Variants in LRRK2 observed in about 807,000 individuals in gnomAD.
LRRK2 encodes the protein leucine-rich repeat serine/threonine-protein kinase 2.
LRRK2 carries 203 observed loss-of-function variants against 302.6 expected under a neutral mutation model. That is an observed-to-expected ratio of 0.67 (90% CI 0.60 to 0.75). LRRK2 has a LOEUF of 0.75. Ranked by LOEUF, LRRK2 falls within the 30% of genes least tolerant of loss-of-function variation. LRRK2 has a pLI of 0.00. For missense variants in LRRK2, 2,830 were observed against 2,951.0 expected, an observed-to-expected ratio of 0.96 and a Z score of 0.95; for synonymous variants, 1,066 against 1,031.9, an observed-to-expected ratio of 1.03 and a Z score of -0.63.
intron 39 of LRRK2, among the ~76,000 whole-genome samples, chr12:40,333,235 A>T (rs1945768494): frequency 6.6e-6 from 1 of 152,060 alleles, no homozygotes; most frequent in Non-Finnish European, 1.5e-5. Context: ...AGCAAATATG[A>T]TCACAGTCTG....
Position 40,251,305 on chromosome 12 carries a change from A to G in LRRK2, c.1032A>G (p.Glu344=). The G allele has an allele frequency of 6.2e-7, 1 of 1,613,518 alleles. No homozygotes were observed. Among genetic ancestry groups the G allele is most frequent in the African/African-American group, 1.3e-5 (1 of 75,026 alleles). ...ENQENDDEGE[E]DKLFWLEACY... is the part of the protein sequence containing the mutation. Reference sequence around the variant, plus strand: ...AAGAGAATGATGATGAGGGGGAAGAAGATAAATTGTTTTGGCTGGAAGCCT... The same window carrying G: ...AAGAGAATGATGATGAGGGGGAAGAGGATAAATTGTTTTGGCTGGAAGCCT... Residue 344 remains glutamate, a synonymous_variant, in exon 9 of 51, where the codon GAA becomes GAG. Transcript: ENST00000298910.
At chr12:40,259,729 C>A in intron 13 of LRRK2, 125 bp downstream of exon 13, 2 of 1,230,352 alleles carry the variant, frequency 1.6e-6, no homozygotes, top group South Asian at 2.6e-5. Flanking sequence ...GTAAATCTTT[C>A]TGTTAAACCA....
chr12:40,298,698 G>T (rs1944475254), intron 24 of LRRK2, among the ~76,000 whole-genome samples: 1 of 147,034 alleles, frequency 6.8e-6, no homozygotes, highest in African/African-American at 2.5e-5. Flanking sequence ...CTTGAACCCA[G>T]GAGGCGGAGG....
chr12:40,366,178 A>G (rs17466605), intron 49 of LRRK2: 93,511 of 151,700 alleles, frequency 0.62, 29,235 homozygotes, highest in Non-Finnish European at 0.67. Context: ...GCTTGTCTAG[A>G]TGAACATCCA....
intron 7 of LRRK2, among the ~76,000 whole-genome samples, chr12:40,244,501 A>T (rs1941884188): frequency 6.6e-6 from 1 of 152,128 alleles, no homozygotes; most frequent in African/African-American, 2.4e-5. Flanking sequence ...TTTGGTGCAG[A>T]GATATACATA....
rs1197438004 is a variant in LRRK2, at chr12:40,369,269, T to A, written c.*1504T>A. On this transcript the variant is annotated 3_prime_UTR_variant, in exon 51 of 51. Transcript: ENST00000298910. The stretch of plus-strand genomic sequence containing the variant: ...CATATTTAAATGGAATAATAAAGGT[T>A]TTTTAAAAACTTTAAATGCTTTTAA... The A allele has an allele frequency of 6.6e-6, 1 of 151,816 alleles. No homozygotes were observed. Among genetic ancestry groups the A allele is most frequent in the Non-Finnish European group, 1.5e-5 (1 of 67,818 alleles). The allele number at this position is 151,816 out of a possible 1,614,324, so 9.4% of individuals were successfully genotyped here.
At chr12:40,331,595 T>TA (rs1215894176) in intron 39 of LRRK2, among the ~76,000 whole-genome samples, 49 of 83,462 alleles carry the variant, frequency 5.9e-4, no homozygotes, top group African/African-American at 1.7e-3. Flanking sequence ...TTAAAAAAAT[T>TA]ACAAAAAAAA....
chr12:40,270,000 A>C (rs1029269843), intron 14 of LRRK2, among the ~76,000 whole-genome samples: 4 of 152,258 alleles, frequency 2.6e-5, no homozygotes, highest in African/African-American at 9.6e-5. Flanking sequence ...CCTACAGACT[A>C]TGCACCCTGG....
At chr12:40,226,736 G>T (rs1047983760) in intron 2 of LRRK2, among the ~76,000 whole-genome samples, 3 of 152,204 alleles carry the variant, frequency 2.0e-5, no homozygotes, top group Non-Finnish European at 4.4e-5. Context: ...TAATAAAGAT[G>T]CTGTTCTTTT....
chr12:40,280,725 A>G (rs1943655211), intron 18 of LRRK2, among the ~76,000 whole-genome samples: 1 of 152,070 alleles, frequency 6.6e-6, no homozygotes, highest in Non-Finnish European at 1.5e-5. Context: ...GCAGGAGCTA[A>G]GATTGTGCCA....
At chr12:40,248,318 C>T (rs1280891044) in intron 7 of LRRK2, among the ~76,000 whole-genome samples, 1 of 152,076 alleles carries the variant, frequency 6.6e-6, no homozygotes, top group Admixed American at 6.6e-5. Flanking sequence ...ACTTGACTGC[C>T]AAATTGTCTA....
chr12:40,279,626 G>C (rs188272456), intron 18 of LRRK2, among the ~76,000 whole-genome samples: 1 of 152,078 alleles, frequency 6.6e-6, no homozygotes, highest in Non-Finnish European at 1.5e-5. Flanking sequence ...ATACCTAAAA[G>C]CACCTGATAC....
chr12:40,291,796 G>C (rs2136697112), intron 20 of LRRK2, among the ~76,000 whole-genome samples: 1 of 152,108 alleles, frequency 6.6e-6, no homozygotes, highest in African/African-American at 2.4e-5. Flanking sequence ...ATTTGATAGA[G>C]AAATATTGAA....
intron 38 of LRRK2, among the ~76,000 whole-genome samples, chr12:40,325,659 A>T (rs918063275): frequency 3.3e-5 from 5 of 152,208 alleles, no homozygotes; most frequent in African/African-American, 1.2e-4. Context: ...TCCTTCTAAA[A>T]ACATTTTACA....
At chr12:40,284,169 T>G (rs1474921690) in intron 19 of LRRK2, 36 bp downstream of exon 19, 1 of 1,552,094 alleles carries the variant, frequency 6.4e-7, no homozygotes, top group Admixed American at 1.7e-5. Context: ...ACAATTCTTA[T>G]TTTTAATAGT....
At chr12:40,230,891 G>T (rs1054106100) in intron 2 of LRRK2, among the ~76,000 whole-genome samples, 10 of 151,942 alleles carry the variant, frequency 6.6e-5, no homozygotes, top group Non-Finnish European at 1.5e-4. Flanking sequence ...TACTTAAAAT[G>T]CATCTATAAT....
intron 19 of LRRK2, chr12:40,286,202 A>G (rs1021521148): frequency 6.6e-5 from 10 of 152,096 alleles, no homozygotes; most frequent in African/African-American, 2.4e-4. Context: ...TTTCACTGGC[A>G]GCTGGTCTGA....
chr12:40,308,475 A>C lies in LRRK2; in HGVS notation c.3968A>C (p.Gln1323Pro). 6.2e-7 allele frequency: 1 copy of C among 1,613,300 alleles called. No homozygotes were observed. Among genetic ancestry groups the C allele is most frequent in the South Asian group, 1.1e-5 (1 of 90,988 alleles). ...CKAKDIIRFL[Q>P]QRLKKAVPYN... The stretch of plus-strand genomic sequence containing the variant: ...TATCTTTCAAATACTAGGTTTCTTC[A>C]ACAGCGATTAAAAAAGGCTGTGCCT... The change falls in exon 29 of 51, where the codon CAA becomes CCA. Residue 1323 changes from glutamine (Q) to proline (P), a missense_variant. Physicochemically the swap from Gln to Pro is moderately conservative, Grantham distance 76. This residue lies in a region of LRRK2 where 2,121 missense variants were observed against 2,148.0 expected (regional missense o/e 0.99). Coordinates refer to ENST00000298910, the MANE Select transcript of LRRK2 (RefSeq NM_198578.4).
chr12:40,247,057 T>A (rs1285476037), intron 7 of LRRK2, among the ~76,000 whole-genome samples: 1 of 152,172 alleles, frequency 6.6e-6, no homozygotes, highest in Non-Finnish European at 1.5e-5. Context: ...ATTAGGATTA[T>A]TATAATAGGC....
Sources: gnomAD v4.1 joint callset for allele counts (sites outside exome capture counted in the v4.1 genomes callset) on GRCh38, gnomAD v4.1.1 for gene constraint, gnomAD v4.1.1 regional missense constraint, MANE v1.5 for transcripts, NCBI Gene and HGNC (gene_info 2026-07-23, HGNC 2026-07-21) for gene names.